NDST3: variants seen among roughly 807,000 people sequenced by gnomAD.
The protein encoded by NDST3 is N-deacetylase and N-sulfotransferase 3.
NDST3 carries 58 observed loss-of-function variants against 96.1 expected under a neutral mutation model. The observed-to-expected ratio is 0.60, with a 90% confidence interval of 0.49 to 0.75. The LOEUF (loss-of-function observed/expected upper bound fraction) is 0.75. NDST3 is among the 30% of genes least tolerant of loss of function. NDST3 has a pLI of 0.00. For missense variants in NDST3, 788 were observed against 1,034.2 expected, an observed-to-expected ratio of 0.76 and a Z score of 3.27; for synonymous variants, 333 against 359.7, an observed-to-expected ratio of 0.93 and a Z score of 0.84.
rs1055120291 is a variant in NDST3, at chr4:118,115,872, G to C, written c.1224+912G>C. On this transcript the variant is annotated intron_variant, in intron 4 of 13. Coordinates refer to ENST00000296499, the MANE Select transcript of NDST3 (RefSeq NM_004784.3). Reference sequence around the variant, plus strand: ...ATACAAGACCAAATACTTTATGGTGGCATCAGGGGCCCATATTTGTCTTTT... The same window carrying C: ...ATACAAGACCAAATACTTTATGGTGCCATCAGGGGCCCATATTTGTCTTTT... Among the ~76,000 whole-genome samples the C allele has an allele frequency of 2.6e-5, 4 of 152,084 alleles. No homozygotes were observed. The East Asian group carries it at 7.7e-4, about 29-fold the overall frequency.
At chr4:118,047,886 G>A (rs1724859907) in intron 1 of NDST3, among the ~76,000 whole-genome samples, 1 of 152,128 alleles carries the variant, frequency 6.6e-6, no homozygotes, top group Non-Finnish European at 1.5e-5. Context: ...AACCTAGGCT[G>A]CATACTATAT....
intron 2 of NDST3, among the ~76,000 whole-genome samples, chr4:118,091,378 G>A (rs1012008870): frequency 1.3e-5 from 2 of 151,704 alleles, no homozygotes; most frequent in African/African-American, 4.8e-5. Flanking sequence ...AAGATCCCTC[G>A]AAAATATTTT....
rs1740953829 is a variant in NDST3, at chr4:118,240,707, A to G, written c.2289+13A>G. ...CCCCCCATTTCAGGTATGGAGTAAT[A>G]AGGATTTACATCATGTTAGAATCTC... On this transcript the variant is annotated intron_variant, in intron 11 of 13. Transcript: ENST00000296499. 6.2e-7 allele frequency: 1 copy of G among 1,609,374 alleles called. No individual in the cohort carries two copies. The highest frequency in any genetic ancestry group is 8.5e-7 in the Non-Finnish European group (1 of 1,177,664).
At chr4:118,142,482 C>A (rs1733640863) in intron 5 of NDST3, among the ~76,000 whole-genome samples, 2 of 151,866 alleles carry the variant, frequency 1.3e-5, no homozygotes. Flanking sequence ...AATAAAAACA[C>A]TAGTATATTT....
intron 6 of NDST3, among the ~76,000 whole-genome samples, chr4:118,163,140 T>C (rs1735294631): frequency 6.6e-6 from 1 of 152,244 alleles, no homozygotes; most frequent in Non-Finnish European, 1.5e-5. Context: ...GGAACACTTC[T>C]ACACTGTTGG....
chr4:118,138,089 G>A lies in NDST3; in HGVS notation c.1260G>A (p.Val420=). The A allele has an allele frequency of 2.5e-6, 4 of 1,613,080 alleles. No individual in the cohort carries two copies. Among genetic ancestry groups the A allele is most frequent in the Non-Finnish European group, 3.4e-6 (4 of 1,179,504 alleles). Residue 420 remains valine, a synonymous_variant, in exon 5 of 14, where the codon GTG becomes GTA. Coordinates refer to ENST00000296499, the MANE Select transcript of NDST3 (RefSeq NM_004784.3). ...HGIPTDMGYA[V]APHHSGVYPV... ...TTCCAACGGACATGGGCTACGCTGT[G>A]GCCCCTCACCATTCGGGCGTCTACC...
At chr4:118,044,729 A>G (rs1042637005) in intron 1 of NDST3, among the ~76,000 whole-genome samples, 1 of 152,216 alleles carries the variant, frequency 6.6e-6, no homozygotes, top group Non-Finnish European at 1.5e-5. Flanking sequence ...GAGATTTGGA[A>G]GTCTAAGAGC....
At chr4:118,102,755 T>C (rs1221030007) in intron 2 of NDST3, among the ~76,000 whole-genome samples, 1 of 152,144 alleles carries the variant, frequency 6.6e-6, no homozygotes, top group Non-Finnish European at 1.5e-5. Flanking sequence ...CATAAACATC[T>C]GCAAAATCTG....
intron 6 of NDST3, 41 bp from the exon 7 acceptor site, chr4:118,224,450 A>C: frequency 6.4e-7 from 1 of 1,553,648 alleles, no homozygotes; most frequent in Non-Finnish European, 8.8e-7. Context: ...CTAGTGTCAA[A>C]ATAAATGTTA....
chr4:118,053,953 G>T lies in NDST3; in HGVS notation c.43G>T (p.Val15Phe). 1 of 1,611,482 alleles carries T rather than the reference G, an allele frequency of 6.2e-7. No individual in the cohort carries two copies. Among genetic ancestry groups the T allele is most frequent in the Non-Finnish European group, 8.5e-7 (1 of 1,178,578 alleles). ...MKLHRHFQRT[V>F]ILLATFCMVS... ...GCTTCACAGACACTTTCAAAGAACA[G>T]TCATTCTGCTTGCCACTTTTTGTAT... The change falls in exon 2 of 14, where the codon GTC (valine) becomes TTC (phenylalanine). Residue 15 changes from valine to phenylalanine, a missense_variant. Transcript: ENST00000296499.
At chr4:118,044,914 G>A (rs959746644) in intron 1 of NDST3, among the ~76,000 whole-genome samples, 4 of 151,998 alleles carry the variant, frequency 2.6e-5, no homozygotes, top group African/African-American at 9.7e-5. Context: ...CTATTCATGA[G>A]GGCAGACCCC....
At chr4:118,093,651 C>T (rs1388502910) in intron 2 of NDST3, among the ~76,000 whole-genome samples, 3 of 151,860 alleles carry the variant, frequency 2.0e-5, no homozygotes, top group African/African-American at 7.2e-5. Context: ...ATATTCCTAA[C>T]TTATCGTATC....
At chr4:118,107,756 A>G (rs1730315659) in intron 3 of NDST3, among the ~76,000 whole-genome samples, 1 of 152,296 alleles carries the variant, frequency 6.6e-6, no homozygotes, top group South Asian at 2.1e-4. Flanking sequence ...AAGGCTGACC[A>G]TTAAAGAAAA....
At chr4:118,162,464 A>C (rs1341289799) in intron 6 of NDST3, among the ~76,000 whole-genome samples, 1 of 151,928 alleles carries the variant, frequency 6.6e-6, no homozygotes, top group Non-Finnish European at 1.5e-5. Context: ...CAACTATCTG[A>C]TCTTTGAAAA....
Position 118,204,590 on chromosome 4 carries a change from G to A in NDST3, c.1540-19901G>A, listed in dbSNP as rs140750520. On this transcript the variant is annotated intron_variant, in intron 6 of 13. Transcript: ENST00000296499. ...GTGACTGGCACAAGAGTAGGTTACTGTCTATTTAAACTTCCATTGAGGTTA... is the reference window on the plus strand; with the variant it reads ...GTGACTGGCACAAGAGTAGGTTACTATCTATTTAAACTTCCATTGAGGTTA... Among the ~76,000 whole-genome samples, 10 of 144,728 alleles carry A rather than the reference G, an allele frequency of 6.9e-5. 1 individual carries two copies. The East Asian group carries it at 2.0e-3, about 28-fold the overall frequency. The allele number at this position is 144,728 out of a possible 152,430, so 94.9% of individuals were successfully genotyped here. A position where few individuals can be genotyped will look rare whatever the true frequency, so the allele number is the denominator to read the frequency against.
At chr4:118,057,138 G>A (rs1261855571) in intron 2 of NDST3, among the ~76,000 whole-genome samples, 1 of 151,970 alleles carries the variant, frequency 6.6e-6, no homozygotes, top group African/African-American at 2.4e-5. Flanking sequence ...GAACAACTTA[G>A]TAATTGGCTG....
At chr4:118,113,595 C>T (rs1730820670) in intron 3 of NDST3, among the ~76,000 whole-genome samples, 1 of 152,208 alleles carries the variant, frequency 6.6e-6, no homozygotes, top group South Asian at 2.1e-4. Flanking sequence ...TAGGCTCTGC[C>T]TCCCTTCTTT....
chr4:118,164,877 C>T (rs1011762018), intron 6 of NDST3, among the ~76,000 whole-genome samples: 1 of 151,992 alleles, frequency 6.6e-6, no homozygotes, highest in Non-Finnish European at 1.5e-5. Flanking sequence ...TTTGTTACAA[C>T]TATAAGATGT....
intron 12 of NDST3, among the ~76,000 whole-genome samples, chr4:118,247,696 A>G (rs1741410817): frequency 6.6e-6 from 1 of 152,232 alleles, no homozygotes; most frequent in African/African-American, 2.4e-5. Flanking sequence ...ATAATTGTAC[A>G]ACTATATAAA....
Sources: gnomAD v4.1 joint callset for allele counts (sites outside exome capture counted in the v4.1 genomes callset) on GRCh38, gnomAD v4.1.1 for gene constraint, MANE v1.5 for transcripts, NCBI Gene and HGNC (gene_info 2026-07-23, HGNC 2026-07-21) for gene names.